The following C11orf65 variants were observed in gnomAD, a reference collection of about 807,000 sequenced individuals.
C11orf65 encodes chromosome 11 open reading frame 65.
Under a neutral mutation model 35.3 loss-of-function variants are expected in C11orf65, and 38 were observed. That is an observed-to-expected ratio of 1.08 (90% confidence interval 0.83 to 1.41). The LOEUF is 1.41. Among genes scored for constraint, C11orf65 ranks in the 40% most tolerant of loss-of-function variants. The probability of loss-of-function intolerance (pLI) is 0.00; values close to 1 mark genes in which losing one functional copy is unlikely to be tolerated. For missense variants in C11orf65, 370 were observed against 367.1 expected, an observed-to-expected ratio of 1.01 and a Z score of -0.06; for synonymous variants, 105 against 114.4, an observed-to-expected ratio of 0.92 and a Z score of 0.53.
chr11:108,372,870 A>T (rs915823545), intron 2 of C11orf65, among the ~76,000 whole-genome samples: 1 of 152,060 alleles, frequency 6.6e-6, no homozygotes, highest in African/African-American at 2.4e-5. Context: ...TTAAGTCAGG[A>T]TTTTGAGACC....
At chr11:108,444,704 T>C (rs2093221448) in intron 2 of C11orf65, among the ~76,000 whole-genome samples, 1 of 152,148 alleles carries the variant, frequency 6.6e-6, no homozygotes, top group Admixed American at 6.5e-5. Flanking sequence ...GATTTCTGAA[T>C]TTCCATCTGA....
intron 3 of C11orf65, chr11:108,334,906 AT>A: frequency 2.6e-6 from 4 of 1,539,288 alleles, no homozygotes; most frequent in Non-Finnish European, 3.6e-6. Flanking sequence ...TTTATAATGT[AT>A]TTTTCTTTAA....
At chr11:108,404,747 C>T (rs2092508432) in intron 6 of C11orf65, among the ~76,000 whole-genome samples, 1 of 152,084 alleles carries the variant, frequency 6.6e-6, no homozygotes, top group Non-Finnish European at 1.5e-5. Context: ...GTTTATTTCA[C>T]AATTCCATAT....
intron 3 of C11orf65, among the ~76,000 whole-genome samples, chr11:108,333,217 C>T (rs1445801743): frequency 6.6e-6 from 1 of 152,076 alleles, no homozygotes; most frequent in Non-Finnish European, 1.5e-5. Context: ...CATTTCTAGC[C>T]TCAAAAGTTT....
chr11:108,367,767 G>C (rs1238192899), intron 2 of C11orf65: 1 of 216,208 alleles, frequency 4.6e-6, no homozygotes, highest in African/African-American at 2.3e-5. Flanking sequence ...TAAATTTCTT[G>C]GTTTGACTTC....
At chr11:108,344,728 G>A (rs956066355) in intron 2 of C11orf65, among the ~76,000 whole-genome samples, 7 of 152,116 alleles carry the variant, frequency 4.6e-5, no homozygotes, top group Non-Finnish European at 1.5e-5. Context: ...TGGGGGGCGG[G>A]TGTGGTAGCG....
rs748930025 is a variant in C11orf65 at position 108,405,523 on chromosome 11, T to C, written c.466A>G (p.Lys156Glu). Residue 156 changes from lysine to glutamate, a missense_variant, in exon 6 of 9, where the codon AAA becomes GAA. Transcript: ENST00000393084. ...LSTDGMVVED[K>E]KESEFHFSKL... is the part of the protein sequence containing the mutation. ...GAGAAATGGAATTCACTTTCCTTTTTGTCTTCCACCACCATACCATCAGTA... is the reference window on the plus strand; with the variant it reads ...GAGAAATGGAATTCACTTTCCTTTTCGTCTTCCACCACCATACCATCAGTA... 1 of 1,613,512 alleles carries C rather than the reference T, an allele frequency of 6.2e-7. No homozygotes were observed. Among genetic ancestry groups the C allele is most frequent in the African/African-American group, 1.3e-5 (1 of 74,920 alleles).
intron 6 of C11orf65, among the ~76,000 whole-genome samples, chr11:108,402,649 T>TCTG (rs113090416): frequency 0.11 from 16,179 of 152,048 alleles, 1,201 homozygotes; most frequent in Non-Finnish European, 0.15. Flanking sequence ...TTTTGACATG[T>TCTG]CTATATACCT....
chr11:108,406,483 C>T (rs373466035), intron 5 of C11orf65, among the ~76,000 whole-genome samples: 15 of 152,086 alleles, frequency 9.9e-5, no homozygotes, highest in East Asian at 9.7e-4. Context: ...TTCTACAATC[C>T]GTATACTGGG....
intron 6 of C11orf65, chr11:108,321,516 C>T: frequency 1.0e-5 from 16 of 1,555,614 alleles, no homozygotes; most frequent in Non-Finnish European, 1.4e-5. Flanking sequence ...GGCACGGTGG[C>T]TCATGCCTGT....
chr11:108,331,785 G>C, intron 3 of C11orf65: 1 of 1,447,346 alleles, frequency 6.9e-7, no homozygotes, highest in Middle Eastern at 1.7e-4. Context: ...GCAGTATCTA[G>C]ACAGTAATAC....
chr11:108,407,738 A>G (rs2092569085), intron 3 of C11orf65, among the ~76,000 whole-genome samples: 1 of 151,216 alleles, frequency 6.6e-6, no homozygotes, highest in African/African-American at 2.4e-5. Context: ...AGGTCAGGAG[A>G]TCGAGACCAC....
At chr11:108,371,257 T>G (rs891920477) in intron 2 of C11orf65, among the ~76,000 whole-genome samples, 3 of 152,114 alleles carry the variant, frequency 2.0e-5, no homozygotes, top group Non-Finnish European at 4.4e-5. Flanking sequence ...ACAACAAAAT[T>G]TACCATCTCG....
chr11:108,449,550 T>C (rs1286439831), intron 2 of C11orf65, among the ~76,000 whole-genome samples: 1 of 151,986 alleles, frequency 6.6e-6, no homozygotes, highest in Admixed American at 6.5e-5. Flanking sequence ...ATTCCCTATT[T>C]AATAAATGGT....
intron 2 of C11orf65, among the ~76,000 whole-genome samples, chr11:108,374,108 CCTGT>C (rs1292960122): frequency 6.6e-6 from 1 of 152,152 alleles, no homozygotes; most frequent in Non-Finnish European, 1.5e-5. Flanking sequence ...CTTAAATGTC[CCTGT>C]CTGACAGCTT....
At chr11:108,453,667 G>A (rs1328397255) in intron 2 of C11orf65, among the ~76,000 whole-genome samples, 1 of 152,176 alleles carries the variant, frequency 6.6e-6, no homozygotes, top group Non-Finnish European at 1.5e-5. Flanking sequence ...ATCTATTGAA[G>A]TGATCACATG....
chr11:108,374,759 T>A (rs1284585784), intron 2 of C11orf65, among the ~76,000 whole-genome samples: 2 of 152,092 alleles, frequency 1.3e-5, no homozygotes, highest in Non-Finnish European at 2.9e-5. Flanking sequence ...GACAAATGTA[T>A]AACTAGAATA....
chr11:108,377,644 G>C (rs940134472), intron 2 of C11orf65, among the ~76,000 whole-genome samples: 1 of 151,262 alleles, frequency 6.6e-6, no homozygotes, highest in Non-Finnish European at 1.5e-5. Context: ...AATCAGGCAG[G>C]AGAAGGAAAT....
downstream of C11orf65, chr11:108,330,269 C>T (rs147665149): frequency 1.2e-6 from 2 of 1,614,172 alleles, no homozygotes; most frequent in Non-Finnish European, 1.7e-6. Flanking sequence ...CCTGCGTGCA[C>T]TGAAAGAGGA....
Sources: allele counts gnomAD v4.1 joint callset (sites outside exome capture counted in the v4.1 genomes callset), GRCh38; gene constraint gnomAD v4.1.1; transcripts MANE v1.5; gene names NCBI Gene and HGNC (gene_info 2026-07-23, HGNC 2026-07-21).